Variants in PLCXD2 observed in about 807,000 individuals in gnomAD.
PLCXD2 encodes PI-PLC X domain-containing protein 2.
PLCXD2 carries 21 observed loss-of-function variants against 28.6 expected under a neutral mutation model. The observed-to-expected ratio is 0.73, with a 90% confidence interval of 0.52 to 1.06. The LOEUF (loss-of-function observed/expected upper bound fraction) is 1.06, where lower values mean the gene tolerates loss of function less well. Ranked by LOEUF, PLCXD2 falls within the 50% of genes least tolerant of loss-of-function variation. The pLI, the probability that PLCXD2 is intolerant of heterozygous loss-of-function variation, is 0.00. For synonymous variants in PLCXD2, 140 were observed against 150.1 expected (o/e 0.93, Z 0.49); for missense variants, 369 against 376.7 (o/e 0.98, Z 0.17).
chr3:111,713,207 G>A (rs939414930), intron 2 of PLCXD2, among the ~76,000 whole-genome samples: 5 of 152,212 alleles, frequency 3.3e-5, no homozygotes, highest in Non-Finnish European at 4.4e-5. Context: ...TCAGCCTGAG[G>A]TCCAAAGCTT....
At chr3:111,721,858 C>T (rs997093980) in intron 3 of PLCXD2, 3 of 152,222 alleles carry the variant, frequency 2.0e-5, no homozygotes, top group African/African-American at 7.2e-5. Context: ...GTGGAAGGCC[C>T]CTTATCCATG....
intron 1 of PLCXD2, among the ~76,000 whole-genome samples, chr3:111,693,862 T>TG (rs777213751): frequency 4.5e-4 from 69 of 152,304 alleles, no homozygotes; most frequent in African/African-American, 1.4e-3. Flanking sequence ...TACACCTGCT[T>TG]GGGGACTGTG....
intron 3 of PLCXD2, among the ~76,000 whole-genome samples, chr3:111,718,562 C>T (rs1941306128): frequency 6.6e-6 from 1 of 151,738 alleles, no homozygotes; most frequent in Non-Finnish European, 1.5e-5. Flanking sequence ...GTGTTTTAGC[C>T]CGTGGCTGAT....
chr3:111,705,166 G>A (rs1023591868), intron 1 of PLCXD2, among the ~76,000 whole-genome samples: 1 of 152,016 alleles, frequency 6.6e-6, no homozygotes, highest in African/African-American at 2.4e-5. Context: ...TACCTGCTCT[G>A]CCACCCTTCC....
At chr3:111,680,194 A>G (rs1176957594) in intron 1 of PLCXD2, among the ~76,000 whole-genome samples, 1 of 152,168 alleles carries the variant, frequency 6.6e-6, no homozygotes, top group East Asian at 1.9e-4. Context: ...TGACATGGAG[A>G]CAAAATCCCT....
chr3:111,675,131 T>G lies in PLCXD2; in HGVS notation c.-115T>G, dbSNP rs1940599895. ...GCCCCGTCCCCCAGCCAGAAAGGCA[T>G]TTTGGAAAGACTGGCGTGGCAAGCG... is the stretch of plus-strand genomic sequence containing the variant. On this transcript the variant is annotated 5_prime_UTR_variant, in exon 1 of 5. Coordinates refer to ENST00000477665, the MANE Select transcript of PLCXD2 (RefSeq NM_001185106.1). 7.7e-7 allele frequency: 1 copy of G among 1,300,054 alleles called. No homozygotes were observed. The allele number at this position is 1,300,054 out of a possible 1,614,324, so 80.5% of individuals were successfully genotyped here.
chr3:111,685,490 T>G (rs903676247), intron 1 of PLCXD2, among the ~76,000 whole-genome samples: 1 of 152,216 alleles, frequency 6.6e-6, no homozygotes. Context: ...ATTTCATACA[T>G]GGACATCTCA....
chr3:111,698,541 T>C (rs995059059), intron 1 of PLCXD2, among the ~76,000 whole-genome samples: 1 of 152,220 alleles, frequency 6.6e-6, no homozygotes, highest in African/African-American at 2.4e-5. Context: ...AGAAAAATGA[T>C]TTGTTGGTAG....
chr3:111,714,844 A>G (rs781467558), intron 3 of PLCXD2, among the ~76,000 whole-genome samples: 10 of 152,216 alleles, frequency 6.6e-5, no homozygotes, highest in Admixed American at 4.6e-4. Context: ...GTATATGTAT[A>G]TGTATAAAAG....
intron 3 of PLCXD2, among the ~76,000 whole-genome samples, chr3:111,714,975 A>G (rs1047920169): frequency 6.6e-6 from 1 of 152,240 alleles, no homozygotes; most frequent in African/African-American, 2.4e-5. Flanking sequence ...TTTCAGGTTG[A>G]CGAGCAGAGT....
At chr3:111,688,168 C>T (rs1408522511) in intron 1 of PLCXD2, among the ~76,000 whole-genome samples, 1 of 152,178 alleles carries the variant, frequency 6.6e-6, no homozygotes, top group Non-Finnish European at 1.5e-5. Context: ...ATATCCACTT[C>T]AAAAGTGCAA....
chr3:111,683,621 C>T (rs1182163253), intron 1 of PLCXD2, among the ~76,000 whole-genome samples: 6 of 152,176 alleles, frequency 3.9e-5, no homozygotes, highest in Non-Finnish European at 8.8e-5. Context: ...CTCTCCTAGG[C>T]ACTGGTGATT....
At chr3:111,699,744 TAGTA>T (rs1183368474) in intron 1 of PLCXD2, among the ~76,000 whole-genome samples, 2 of 152,184 alleles carry the variant, frequency 1.3e-5, no homozygotes, top group Non-Finnish European at 2.9e-5. Context: ...CCAAGGATCC[TAGTA>T]AACCTTAAGT....
At chr3:111,723,512 G>A (rs1033103416) in intron 3 of PLCXD2, 9 of 152,194 alleles carry the variant, frequency 5.9e-5, no homozygotes, top group African/African-American at 1.7e-4. Context: ...TGCGTGGTGC[G>A]TGCAGGTGCT....
At chr3:111,716,182 C>T (rs1941264830) in intron 3 of PLCXD2, among the ~76,000 whole-genome samples, 1 of 152,188 alleles carries the variant, frequency 6.6e-6, no homozygotes, top group Non-Finnish European at 1.5e-5. Context: ...TGCACATCAA[C>T]TGAAGGAGGA....
chr3:111,697,683 C>G (rs1239328096), intron 1 of PLCXD2, among the ~76,000 whole-genome samples: 1 of 152,070 alleles, frequency 6.6e-6, no homozygotes, highest in African/African-American at 2.4e-5. Context: ...TAGGCTTCTA[C>G]TCTCAAAAAA....
chr3:111,719,421 A>C (rs1264326757), intron 3 of PLCXD2, among the ~76,000 whole-genome samples: 2 of 152,208 alleles, frequency 1.3e-5, no homozygotes, highest in Non-Finnish European at 2.9e-5. Context: ...TGAAAAAATG[A>C]GTAAAAGAAT....
chr3:111,721,328 G>A (rs1941343086), intron 3 of PLCXD2: 1 of 152,380 alleles, frequency 6.6e-6, no homozygotes, highest in Non-Finnish European at 1.5e-5. Context: ...ACCACCATCT[G>A]GGGTGGATCT....
chr3:111,687,710 A>G (rs1409743206), intron 1 of PLCXD2, among the ~76,000 whole-genome samples: 1 of 146,862 alleles, frequency 6.8e-6, no homozygotes, highest in Non-Finnish European at 1.5e-5. Flanking sequence ...TTTTTGAGAC[A>G]GGGTCTTGCT....
Sources: allele counts gnomAD v4.1 joint callset (sites outside exome capture counted in the v4.1 genomes callset), GRCh38; gene constraint gnomAD v4.1.1; transcripts MANE v1.5; gene names NCBI Gene and HGNC (gene_info 2026-07-23, HGNC 2026-07-21).